TIAM1: variants seen among roughly 807,000 people sequenced by gnomAD.
TIAM1 encodes the protein TIAM Rac1 associated GEF 1, also known as rho guanine nucleotide exchange factor TIAM1.
Under a neutral mutation model 163.5 loss-of-function variants are expected in TIAM1, and 65 were observed. The observed-to-expected ratio is 0.40, with a 90% CI of 0.33 to 0.49. TIAM1 has a LOEUF of 0.49. Ranked by LOEUF, TIAM1 falls within the 20% of genes least tolerant of loss-of-function variation. The pLI, the probability that TIAM1 is intolerant of heterozygous loss-of-function variation, is 0.77. For synonymous variants in TIAM1, 833 were observed against 810.1 expected, an observed-to-expected ratio of 1.03 and a Z score of -0.48; for missense variants, 1,789 against 2,044.7, an observed-to-expected ratio of 0.87 and a Z score of 2.41.
rs934241227 is a variant in TIAM1 at position 31,365,570 on chromosome 21, T to C, written c.-368-26148A>G. On this transcript the variant is annotated intron_variant, in intron 2 of 28. Coordinates refer to the TIAM1 transcript ENST00000286827. Reference sequence around the variant, plus strand: ...CGCCTGGCTAATTTTTTGTATTTTTTAGTAGAGATGGGGTTTCACACCATG... The same window carrying C: ...CGCCTGGCTAATTTTTTGTATTTTTCAGTAGAGATGGGGTTTCACACCATG... Among the ~76,000 whole-genome samples, 3 of 151,520 alleles carry C rather than the reference T, an allele frequency of 2.0e-5. No individual in the cohort carries two copies. In the East Asian group the frequency reaches 6.0e-4, roughly 30 times the overall value.
At chr21:31,496,190 G>A (rs1375144930) in intron 1 of TIAM1, among the ~76,000 whole-genome samples, 5 of 151,752 alleles carry the variant, frequency 3.3e-5, no homozygotes, top group African/African-American at 1.2e-4. Flanking sequence ...GAAAAAGGAT[G>A]TAAAGAAGGA....
chr21:31,428,449 A>G (rs1361250709), intron 2 of TIAM1, among the ~76,000 whole-genome samples: 3 of 152,334 alleles, frequency 2.0e-5, no homozygotes, highest in Non-Finnish European at 4.4e-5. Context: ...CATGATATAC[A>G]TTAAGCGATT....
intron 2 of TIAM1, among the ~76,000 whole-genome samples, chr21:31,349,855 G>T (rs959242949): frequency 6.6e-6 from 1 of 152,116 alleles, no homozygotes; most frequent in Non-Finnish European, 1.5e-5. Flanking sequence ...TCGGTAAAGT[G>T]GGAACTTAAA....
chr21:31,476,081 T>C (rs531861993), intron 1 of TIAM1, among the ~76,000 whole-genome samples: 2 of 152,222 alleles, frequency 1.3e-5, no homozygotes, highest in South Asian at 4.1e-4. Context: ...AAAAGCACTT[T>C]TGGCAGGACA....
In TIAM1 at chr21:31,416,060, G is replaced by A. The variant is rs78239485; in HGVS notation, c.-369+47923C>T. On this transcript the variant is annotated intron_variant, in intron 2 of 28. Coordinates refer to the TIAM1 transcript ENST00000286827. ...TTTCAGTGGCTTTAACTTTCTGTTA[G>A]TAAAATTCAAGCTCTTTGGGGTTAC... Among the ~76,000 whole-genome samples, 886 of 152,280 alleles carry A rather than the reference G, an allele frequency of 5.8e-3. 12 individuals carry two copies. The highest frequency in any genetic ancestry group is 0.02 in the African/African-American group (812 of 41,560).
At chr21:31,169,325 GA>G (rs2084394626) in intron 15 of TIAM1, among the ~76,000 whole-genome samples, 1 of 112,702 alleles carries the variant, frequency 8.9e-6, no homozygotes, top group Non-Finnish European at 2.4e-5. Flanking sequence ...TACTAAAACA[GA>G]AGAAGAAAGA....
chr21:31,363,889 GA>G (rs2076452460), intron 2 of TIAM1, among the ~76,000 whole-genome samples: 1 of 151,646 alleles, frequency 6.6e-6, no homozygotes, highest in East Asian at 1.9e-4. Flanking sequence ...GAAACCACAG[GA>G]AAAAAAGGGG....
chr21:31,399,236 A>G (rs1206983673), intron 2 of TIAM1, among the ~76,000 whole-genome samples: 4 of 152,032 alleles, frequency 2.6e-5, no homozygotes, highest in African/African-American at 9.7e-5. Flanking sequence ...AAATTTGTCT[A>G]TAAAGCAAGG....
At chr21:31,551,105 T>C (rs1488074935) in intron 1 of TIAM1, among the ~76,000 whole-genome samples, 1 of 152,002 alleles carries the variant, frequency 6.6e-6, no homozygotes, top group African/African-American at 2.4e-5. Flanking sequence ...TCCCAGCCAC[T>C]TGGGAGGCTG....
chr21:31,296,377 T>C (rs1376074851), intron 2 of TIAM1, among the ~76,000 whole-genome samples: 2 of 152,202 alleles, frequency 1.3e-5, no homozygotes, highest in African/African-American at 4.8e-5. Context: ...ACTATTTATA[T>C]GTGAAGTGGA....
intron 2 of TIAM1, among the ~76,000 whole-genome samples, chr21:31,427,294 G>C (rs565746126): frequency 1.3e-5 from 2 of 152,058 alleles, no homozygotes; most frequent in Non-Finnish European, 2.9e-5. Context: ...AGACCATCCT[G>C]GCTAATATGG....
chr21:31,301,638 G>A (rs1415990387), intron 2 of TIAM1, among the ~76,000 whole-genome samples: 1 of 152,064 alleles, frequency 6.6e-6, no homozygotes, highest in Non-Finnish European at 1.5e-5. Context: ...TCAGGAGTTC[G>A]AGACAAGCCT....
chr21:31,281,085 C>CAAAAAAAA (rs748020575), intron 2 of TIAM1, among the ~76,000 whole-genome samples: 17 of 63,620 alleles, frequency 2.7e-4, no homozygotes, highest in South Asian at 7.3e-4. Context: ...GACCCTAACT[C>CAAAAAAAA]AAAAAAAAAA....
chr21:31,132,658 C>T (rs978283693), intron 23 of TIAM1, among the ~76,000 whole-genome samples: 1 of 152,284 alleles, frequency 6.6e-6, no homozygotes, highest in South Asian at 2.1e-4. Context: ...TGGATCACAG[C>T]AGGAGGGCCA....
chr21:31,465,579 T>C (rs920754370), intron 1 of TIAM1, among the ~76,000 whole-genome samples: 24 of 151,586 alleles, frequency 1.6e-4, no homozygotes, highest in Non-Finnish European at 7.4e-5. Context: ...GATCTTCTTT[T>C]TTTTTTTTTG....
At chr21:31,452,603 A>G in intron 2 of TIAM1, 2 of 556,714 alleles carry the variant, frequency 3.6e-6, no homozygotes, top group Non-Finnish European at 6.7e-6. Context: ...GCACTAAGTT[A>G]TGTGCACCAA....
At chr21:31,329,914 A>G (rs1258627857) in intron 2 of TIAM1, among the ~76,000 whole-genome samples, 1 of 152,202 alleles carries the variant, frequency 6.6e-6, no homozygotes, top group Admixed American at 6.5e-5. Flanking sequence ...TCACAGCAAA[A>G]TTACGCAGAA....
At chr21:31,288,884 GCAT>G (rs2146906093) in intron 2 of TIAM1, among the ~76,000 whole-genome samples, 1 of 152,242 alleles carries the variant, frequency 6.6e-6, no homozygotes, top group African/African-American at 2.4e-5. Context: ...CTCAGCCTTG[GCAT>G]CATAAAGTTA....
chr21:31,403,623 C>A (rs2077201750), intron 2 of TIAM1, among the ~76,000 whole-genome samples: 1 of 152,060 alleles, frequency 6.6e-6, no homozygotes. Context: ...AATAATCTAC[C>A]ATGGATTCAG....
Sources: gnomAD v4.1 joint callset for allele counts (sites outside exome capture counted in the v4.1 genomes callset) on GRCh38, gnomAD v4.1.1 for gene constraint, MANE v1.5 for transcripts, NCBI Gene and HGNC (gene_info 2026-07-23, HGNC 2026-07-21) for gene names.